Variants in SLC16A10 observed in about 807,000 individuals in gnomAD.
SLC16A10 encodes the protein solute carrier family 16 member 10, also known as monocarboxylate transporter 10.
SLC16A10 carries 27 observed loss-of-function variants against 40.0 expected under a neutral mutation model. That is an observed-to-expected ratio of 0.67 (90% CI 0.50 to 0.93). The LOEUF (loss-of-function observed/expected upper bound fraction) is 0.93, where lower values mean the gene tolerates loss of function less well. Among genes scored for constraint, SLC16A10 ranks in the 40% least tolerant of loss-of-function variants. The pLI is 0.00. For synonymous variants in SLC16A10, 213 were observed against 249.8 expected (o/e 0.85, Z 1.39); for missense variants, 529 against 658.2 (o/e 0.80, Z 2.15).
At chr6:111,213,222 A>G (rs1254728561) in intron 4 of SLC16A10, among the ~76,000 whole-genome samples, 15 of 152,224 alleles carry the variant, frequency 9.9e-5, no homozygotes. Flanking sequence ...CAGACAACAC[A>G]CACATGTGCA....
intron 3 of SLC16A10, among the ~76,000 whole-genome samples, chr6:111,205,789 A>C (rs886240233): frequency 5.3e-5 from 8 of 152,244 alleles, no homozygotes; most frequent in Admixed American, 3.9e-4. Context: ...TTCTAATGCT[A>C]CACAGATAGG....
chr6:111,090,796 A>G lies in SLC16A10; in HGVS notation c.343+2701A>G, dbSNP rs555980975. ...ATATGCAAGCTTCAAATACATGCCA[A>G]AAAATATCTGGAATTTGTTTAAGCC... On this transcript the variant is annotated intron_variant, in intron 1 of 5. Transcript: ENST00000368851. Among the ~76,000 whole-genome samples the G allele has an allele frequency of 2.0e-5, 3 of 152,370 alleles. No individual in the cohort carries two copies. In the South Asian group the frequency reaches 6.2e-4, roughly 32 times the overall value.
At chr6:111,189,623 G>A (rs1187653361) in intron 3 of SLC16A10, among the ~76,000 whole-genome samples, 1 of 152,140 alleles carries the variant, frequency 6.6e-6, no homozygotes, top group Non-Finnish European at 1.5e-5. Context: ...CCACATGGCT[G>A]GGTAGGCTTC....
At chr6:111,195,047 C>T (rs1339952748) in intron 3 of SLC16A10, among the ~76,000 whole-genome samples, 2 of 152,098 alleles carry the variant, frequency 1.3e-5, no homozygotes, top group African/African-American at 4.8e-5. Context: ...TCGGTGCCTC[C>T]TTTTCTCTCC....
chr6:111,199,761 C>CT (rs1773138029), intron 3 of SLC16A10, among the ~76,000 whole-genome samples: 1 of 149,978 alleles, frequency 6.7e-6, no homozygotes, highest in South Asian at 2.1e-4. Flanking sequence ...AAATCTTGAT[C>CT]TTATCTAAAT....
chr6:111,159,946 AT>A (rs1253165583), intron 1 of SLC16A10, among the ~76,000 whole-genome samples: 5 of 151,978 alleles, frequency 3.3e-5, no homozygotes, highest in African/African-American at 1.2e-4. Context: ...TAAAGTTCAA[AT>A]TTTTTGCCCA....
At chr6:111,132,981 A>G (rs1217039555) in intron 1 of SLC16A10, among the ~76,000 whole-genome samples, 1 of 152,226 alleles carries the variant, frequency 6.6e-6, no homozygotes, top group African/African-American at 2.4e-5. Flanking sequence ...TCCTGACTCA[A>G]AAGGTTACCT....
At chr6:111,217,769 C>T (rs1770793271) in intron 4 of SLC16A10, among the ~76,000 whole-genome samples, 1 of 152,060 alleles carries the variant, frequency 6.6e-6, no homozygotes, top group Non-Finnish European at 1.5e-5. Context: ...TCAGTTTTAA[C>T]AGGTTCTGTG....
At chr6:111,178,534 G>T in intron 3 of SLC16A10, 1 of 427,926 alleles carries the variant, frequency 2.3e-6, no homozygotes. Flanking sequence ...AACATAAGGA[G>T]ACTTCATCCC....
chr6:111,093,924 A>T (rs567352298), intron 1 of SLC16A10, among the ~76,000 whole-genome samples: 1 of 152,318 alleles, frequency 6.6e-6, no homozygotes, highest in African/African-American at 2.4e-5. Context: ...GGCGTTTCAT[A>T]CTTCATTTCC....
chr6:111,140,226 G>A (rs1409734308), intron 1 of SLC16A10, among the ~76,000 whole-genome samples: 1 of 152,110 alleles, frequency 6.6e-6, no homozygotes, highest in Non-Finnish European at 1.5e-5. Context: ...ACTTTGGGAG[G>A]GTGAGATGGG....
chr6:111,182,320 TTTTTTTTTTTTTC>T (rs1772810194), intron 3 of SLC16A10, among the ~76,000 whole-genome samples: 1 of 143,044 alleles, frequency 7.0e-6, no homozygotes, highest in South Asian at 2.3e-4. Context: ...CTTTTTTTTT[TTTTTTTTTTTTTC>T]CTTTTTAACG....
At chr6:111,160,172 A>T (rs1384738372) in intron 1 of SLC16A10, among the ~76,000 whole-genome samples, 1 of 152,104 alleles carries the variant, frequency 6.6e-6, no homozygotes, top group Non-Finnish European at 1.5e-5. Flanking sequence ...TTGTATGGGC[A>T]TTTAGGTTTT....
chr6:111,152,617 G>C (rs1772192474), intron 1 of SLC16A10, among the ~76,000 whole-genome samples: 2 of 152,210 alleles, frequency 1.3e-5, no homozygotes, highest in Non-Finnish European at 2.9e-5. Flanking sequence ...ATTTCATTGT[G>C]AGAGAGTATA....
At chr6:111,155,786 G>T (rs1056812484) in intron 1 of SLC16A10, among the ~76,000 whole-genome samples, 1 of 152,216 alleles carries the variant, frequency 6.6e-6, no homozygotes, top group Non-Finnish European at 1.5e-5. Context: ...GCTATGCATA[G>T]ATAGGTTGGT....
chr6:111,209,807 A>C (rs1453662340), intron 4 of SLC16A10, among the ~76,000 whole-genome samples: 1 of 152,184 alleles, frequency 6.6e-6, no homozygotes, highest in Non-Finnish European at 1.5e-5. Flanking sequence ...TGAATTTAGA[A>C]TAGGGAGGCT....
chr6:111,157,813 A>G (rs1150081), intron 1 of SLC16A10, among the ~76,000 whole-genome samples: 16,860 of 152,080 alleles, frequency 0.11, 1,230 homozygotes, highest in Middle Eastern at 0.17. Context: ...AGACTAGACA[A>G]ATCTCCCATG....
intron 1 of SLC16A10, among the ~76,000 whole-genome samples, chr6:111,147,639 G>A (rs1057324956): frequency 1.3e-5 from 2 of 152,126 alleles, no homozygotes; most frequent in Admixed American, 1.3e-4. Flanking sequence ...CAGGGGGAGT[G>A]TTTGATAAAT....
At chr6:111,152,440 A>C (rs1772189480) in intron 1 of SLC16A10, among the ~76,000 whole-genome samples, 1 of 152,230 alleles carries the variant, frequency 6.6e-6, no homozygotes, top group Admixed American at 6.5e-5. Context: ...TTGATAAATA[A>C]AACTTAGGTT....
Sources: allele counts gnomAD v4.1 joint callset (sites outside exome capture counted in the v4.1 genomes callset), GRCh38; gene constraint gnomAD v4.1.1; transcripts MANE v1.5; gene names NCBI Gene and HGNC (gene_info 2026-07-23, HGNC 2026-07-21).